The following JAK2 variants were observed in gnomAD, a reference collection of about 807,000 sequenced individuals.
The protein encoded by JAK2 is Janus kinase 2.
JAK2 carries 86 observed loss-of-function variants against 139.3 expected under a neutral mutation model. The observed-to-expected ratio is 0.62, with a 90% CI of 0.52 to 0.74. JAK2 has a LOEUF of 0.74. Ranked by LOEUF, JAK2 falls within the 30% of genes least tolerant of loss-of-function variation. The probability of loss-of-function intolerance (pLI) is 0.00; values close to 1 mark genes in which losing one functional copy is unlikely to be tolerated. For synonymous variants in JAK2, 490 were observed against 437.7 expected (o/e 1.12, Z -1.49); for missense variants, 1,421 against 1,360.3 (o/e 1.04, Z -0.70).
In JAK2 at chr9:5,049,113, G is replaced by A. The variant is rs531648840; in HGVS notation, c.469-1573G>A. On this transcript the variant is annotated intron_variant, in intron 5 of 24. Transcript: ENST00000381652. Reference sequence around the variant, plus strand: ...ATCAGCCTTTTTTCAGAATCTTTTAGTATCTTCTGTTTCCTGGATCAGATC... The same window carrying A: ...ATCAGCCTTTTTTCAGAATCTTTTAATATCTTCTGTTTCCTGGATCAGATC... Among the ~76,000 whole-genome samples the A allele has an allele frequency of 4.6e-5, 7 of 152,130 alleles. No individual in the cohort carries two copies. The East Asian group carries it at 1.4e-3, about 29-fold the overall frequency.
intron 22 of JAK2, among the ~76,000 whole-genome samples, chr9:5,119,505 C>A (rs899048877): frequency 4.6e-5 from 7 of 151,552 alleles, no homozygotes; most frequent in Non-Finnish European, 1.0e-4. Context: ...ATCATGAGGG[C>A]AGTCAGGATA....
At chr9:5,091,014 A>T (rs1379660145) in intron 22 of JAK2, 103 bp downstream of exon 22, 1 of 875,864 alleles carries the variant, frequency 1.1e-6, no homozygotes, top group Non-Finnish European at 1.7e-6. Flanking sequence ...AGTAACAGTG[A>T]ACATTTAAGT....
chr9:4,995,642 A>T (rs1820516326), intron 2 of JAK2, among the ~76,000 whole-genome samples: 2 of 152,162 alleles, frequency 1.3e-5, no homozygotes, highest in Non-Finnish European at 2.9e-5. Flanking sequence ...GGTAGTGAAC[A>T]TTTCTATTTA....
intron 3 of JAK2, among the ~76,000 whole-genome samples, chr9:5,025,064 C>A (rs114236607): frequency 6.6e-6 from 1 of 152,102 alleles, no homozygotes; most frequent in Non-Finnish European, 1.5e-5. Flanking sequence ...CTTGATTCAG[C>A]ATTTATCTGA....
intron 4 of JAK2, among the ~76,000 whole-genome samples, chr9:5,042,120 A>ATTTC (rs1816599940): frequency 1.5e-5 from 2 of 130,004 alleles, no homozygotes; most frequent in Admixed American, 7.7e-5. Flanking sequence ...ACTGGCCAAA[A>ATTTC]TTTCTTTTTT....
chr9:4,992,688 A>G (rs957071806), intron 2 of JAK2, among the ~76,000 whole-genome samples: 1 of 152,198 alleles, frequency 6.6e-6, no homozygotes, highest in Admixed American at 6.5e-5. Context: ...GGTTAATTGG[A>G]TATGGTTCTT....
rs115002722 is a variant in JAK2, at chr9:5,070,132, A to G, written c.1641+80A>G. 3.9e-3 allele frequency: 3,836 copies of G among 990,948 alleles called. 96 individuals carry two copies. In the African/African-American group the frequency reaches 0.057, roughly 15 times the overall value. 61.4% of individuals were successfully genotyped at this position (990,948 alleles called of 1,614,324 possible). A position where few individuals can be genotyped will look rare whatever the true frequency, so the allele number is the denominator to read the frequency against. The stretch of plus-strand genomic sequence containing the variant: ...TTTTCTTGATTTACATTCATGTGAC[A>G]TTGGAATTATTTTGTTATATACAAA... On this transcript the variant is annotated intron_variant, in intron 12 of 24. Coordinates refer to ENST00000381652, the MANE Select transcript of JAK2 (RefSeq NM_004972.4).
At chr9:5,080,176 G>A in intron 16 of JAK2, 53 bp from the exon 17 acceptor site, 2 of 1,312,530 alleles carry the variant, frequency 1.5e-6, no homozygotes, top group South Asian at 1.5e-5. Context: ...ACATATAAAA[G>A]ATTGGTTTAC....
chr9:5,109,634 C>T (rs1822272201), intron 22 of JAK2: 1 of 152,188 alleles, frequency 6.6e-6, no homozygotes, highest in African/African-American at 2.4e-5. Flanking sequence ...CCATTAGCCT[C>T]ATCCCAACGT....
intron 2 of JAK2, among the ~76,000 whole-genome samples, chr9:5,006,106 T>C (rs533605365): frequency 4.3e-4 from 65 of 152,332 alleles, no homozygotes; most frequent in African/African-American, 1.4e-3. Flanking sequence ...TTTCACGATA[T>C]TGATTCTTCC....
At chr9:5,111,874 A>G (rs1586818758) in intron 22 of JAK2, 4 of 375,588 alleles carry the variant, frequency 1.1e-5, no homozygotes, top group Admixed American at 1.0e-4. Context: ...CCGAGGGACC[A>G]CAGCCAGCAG....
intron 22 of JAK2, among the ~76,000 whole-genome samples, chr9:5,121,850 T>C (rs1201028410): frequency 6.6e-6 from 1 of 152,044 alleles, no homozygotes; most frequent in Admixed American, 6.6e-5. Context: ...GTGCGGGAAA[T>C]TACAATGAGT....
At chr9:5,043,855 CAT>C (rs564377283) in intron 4 of JAK2, among the ~76,000 whole-genome samples, 42 of 152,278 alleles carry the variant, frequency 2.8e-4, no homozygotes, top group South Asian at 1.7e-3. Flanking sequence ...AGAAAGGCCA[CAT>C]GTTCTAAAAT....
At chr9:5,021,771 C>T (rs146104857) in intron 2 of JAK2, among the ~76,000 whole-genome samples, 192 bp from the exon 3 acceptor site, 105 of 152,270 alleles carry the variant, frequency 6.9e-4, no homozygotes, top group African/African-American at 1.7e-3. Flanking sequence ...ACTACAAGTG[C>T]GTGCTGCCAC....
At chr9:5,044,367 T>C in intron 4 of JAK2, 36 bp from the exon 5 acceptor site, 4 of 1,336,242 alleles carry the variant, frequency 3.0e-6, no homozygotes, top group Non-Finnish European at 4.3e-6. Context: ...ATTTGAACTA[T>C]TTGGAAGCTG....
intron 16 of JAK2, 94 bp from the exon 17 acceptor site, chr9:5,080,135 T>G (rs1426211615): frequency 1.0e-6 from 1 of 987,704 alleles, no homozygotes; most frequent in Non-Finnish European, 1.5e-6. Flanking sequence ...TAGGCCTGAT[T>G]ATTCAAATGA....
intron 22 of JAK2, 117 bp from the exon 23 acceptor site, chr9:5,122,887 T>G (rs543580091): frequency 3.2e-6 from 2 of 621,718 alleles, no homozygotes; most frequent in East Asian, 2.9e-5. Context: ...TCAGGCCTGC[T>G]GTGATAACTC....
At chr9:5,066,037 CTTTTA>C (rs1037406071) in intron 9 of JAK2, among the ~76,000 whole-genome samples, 21 of 152,040 alleles carry the variant, frequency 1.4e-4, no homozygotes, top group African/African-American at 5.1e-4. Flanking sequence ...TTCAAACATT[CTTTTA>C]TTTATATTTA....
chr9:5,108,679 T>G (rs1231625132), intron 22 of JAK2: 1 of 151,978 alleles, frequency 6.6e-6, no homozygotes, highest in Non-Finnish European at 1.5e-5. Flanking sequence ...CTCAGCCCCC[T>G]AACAGAATAT....
Sources: allele counts gnomAD v4.1 joint callset (sites outside exome capture counted in the v4.1 genomes callset), GRCh38; gene constraint gnomAD v4.1.1; transcripts MANE v1.5; gene names NCBI Gene and HGNC (gene_info 2026-07-23, HGNC 2026-07-21).